Variants in TXNL4A observed in about 807,000 individuals in gnomAD.
TXNL4A encodes thioredoxin-like protein 4A.
In TXNL4A, 17 loss-of-function variants were observed where a neutral mutation model predicts 14.6. The ratio of observed to expected loss-of-function variants is 1.16; its 90% CI spans 0.80 to 1.74. TXNL4A has a LOEUF of 1.74. Among genes scored for constraint, TXNL4A ranks in the 40% most tolerant of loss-of-function variants. The probability of loss-of-function intolerance (pLI) is 0.00; values close to 1 mark genes in which losing one functional copy is unlikely to be tolerated. For missense variants in TXNL4A, 74 were observed against 195.2 expected (o/e 0.38, Z 3.70); for synonymous variants, 83 against 70.6 (o/e 1.18, Z -0.88).
chr18:80,006,850 C>T (rs1311840595), intron 1 of TXNL4A, among the ~76,000 whole-genome samples: 1 of 152,180 alleles, frequency 6.6e-6, no homozygotes, highest in Non-Finnish European at 1.5e-5. Context: ...CCAGGTGTGC[C>T]ATTTACATAG....
upstream of TXNL4A, among the ~76,000 whole-genome samples, chr18:79,989,852 C>T (rs986525142): frequency 3.9e-5 from 6 of 152,116 alleles, no homozygotes; most frequent in Non-Finnish European, 8.8e-5. Flanking sequence ...AAAAATTACC[C>T]GGGCATGGTG....
At chr18:80,022,951 C>T (rs1466582466) in intron 1 of TXNL4A, among the ~76,000 whole-genome samples, 1 of 152,138 alleles carries the variant, frequency 6.6e-6, no homozygotes, top group Admixed American at 6.5e-5. Flanking sequence ...CCTAAAGGCT[C>T]CCAAGGTACC....
chr18:79,982,249 G>A lies in TXNL4A; in HGVS notation c.154-4548C>T, dbSNP rs1336521027. Reference sequence around the variant, plus strand: ...GCAGGACAGTGGGGACCGATGCGCAGGTGGACTGGCCCACAGAGGACCTTT... The same window carrying A: ...GCAGGACAGTGGGGACCGATGCGCAAGTGGACTGGCCCACAGAGGACCTTT... On this transcript the variant is annotated intron_variant, in intron 1 of 2. Transcript: ENST00000269601. This position sits in a 1 kb window ranked among gnomAD's most constrained non-coding sequence, Gnocchi z 4.0. Among the ~76,000 whole-genome samples, 5 of 152,214 alleles carry A rather than the reference G, an allele frequency of 3.3e-5. No individual in the cohort carries two copies. The highest frequency in any genetic ancestry group is 1.2e-4 in the African/African-American group (5 of 41,464).
intron 1 of TXNL4A, chr18:79,986,559 G>A (rs925168469): frequency 1.6e-5 from 16 of 984,474 alleles, no homozygotes; most frequent in Non-Finnish European, 1.9e-5. Context: ...GGACATAAAG[G>A]AGTTGGAAAA....
upstream of TXNL4A, among the ~76,000 whole-genome samples, chr18:79,992,809 A>G (rs2145096166): frequency 8.6e-6 from 1 of 116,526 alleles, no homozygotes; most frequent in African/African-American, 3.2e-5. Flanking sequence ...CCCTTTTGTT[A>G]TGTTTTGTCT....
chr18:80,033,806 T>C (rs947884608), intron 1 of TXNL4A: 1 of 149,638 alleles, frequency 6.7e-6, no homozygotes, highest in African/African-American at 2.5e-5. Flanking sequence ...GCGTCGTCCT[T>C]CGCCCCGCCC....
At chr18:79,977,448 T>C in intron 2 of TXNL4A, 150 bp downstream of exon 2, 1 of 644,434 alleles carries the variant, frequency 1.6e-6, no homozygotes, top group Non-Finnish European at 2.8e-6. Context: ...TTTCAAAGAT[T>C]CACACTGATT....
At chr18:80,021,984 C>T (rs2051852559) in intron 1 of TXNL4A, among the ~76,000 whole-genome samples, 1 of 98,918 alleles carries the variant, frequency 1.0e-5, no homozygotes, top group African/African-American at 3.3e-5. Context: ...CCCATATGGG[C>T]TAGAATACCT....
In TXNL4A at chr18:79,994,517, G is replaced by A. The variant is rs1005431239; in HGVS notation, c.-60-16816C>T. 2.6e-4 allele frequency among the ~76,000 whole-genome samples: 36 copies of A among 140,020 alleles called. 1 individual carries two copies. The highest frequency in any genetic ancestry group is 1.7e-3 in the Admixed American group (24 of 13,936). 91.9% of individuals were successfully genotyped at this position (140,020 alleles called of 152,430 possible). A position where few individuals can be genotyped will look rare whatever the true frequency, so the allele number is the denominator to read the frequency against. ...ACTGCCAATCGAGAACTCTCTAATCGTTTTATCTCTCTTAAAGCAATCCTC... is the reference window on the plus strand; with the variant it reads ...ACTGCCAATCGAGAACTCTCTAATCATTTTATCTCTCTTAAAGCAATCCTC... On this transcript the variant is annotated intron_variant, in intron 1 of 2. Transcript: ENST00000585474.
chr18:80,022,110 C>A (rs543669434), intron 1 of TXNL4A, among the ~76,000 whole-genome samples: 3 of 152,046 alleles, frequency 2.0e-5, no homozygotes, highest in Non-Finnish European at 4.4e-5. Flanking sequence ...ATTAGAGAAC[C>A]TGCCCAGGTC....
At chr18:79,983,825 A>G (rs1439336779) in intron 1 of TXNL4A, among the ~76,000 whole-genome samples, 1 of 152,162 alleles carries the variant, frequency 6.6e-6, no homozygotes, top group Admixed American at 6.5e-5. Flanking sequence ...CCACAACCCT[A>G]TGAGTGAGGC....
At chr18:80,004,915 G>C (rs2051719902) in intron 1 of TXNL4A, among the ~76,000 whole-genome samples, 1 of 152,168 alleles carries the variant, frequency 6.6e-6, no homozygotes, top group Non-Finnish European at 1.5e-5. Context: ...CAGAAGCCAG[G>C]GAAATTCCCA....
At chr18:79,976,283 A>T (rs1283008547) in intron 2 of TXNL4A, among the ~76,000 whole-genome samples, 1 of 152,236 alleles carries the variant, frequency 6.6e-6, no homozygotes, top group African/African-American at 2.4e-5. Flanking sequence ...TTATTTGGGC[A>T]AGTCTAATCT....
At chr18:80,004,872 G>A (rs1177985167) in intron 1 of TXNL4A, among the ~76,000 whole-genome samples, 1 of 152,222 alleles carries the variant, frequency 6.6e-6, no homozygotes, top group Admixed American at 6.5e-5. Context: ...CAGTGAGGAG[G>A]AGAAAGCATC....
rs564199678 is a variant in TXNL4A, at chr18:79,982,577, G to C, written c.154-4876C>G. 8.5e-5 allele frequency among the ~76,000 whole-genome samples: 13 copies of C among 152,306 alleles called. No individual in the cohort carries two copies. The highest frequency in any genetic ancestry group is 1.3e-4 in the Non-Finnish European group (9 of 68,036). The stretch of plus-strand genomic sequence containing the variant: ...CCAAGGAGGCAGTCTCAGAAACCAA[G>C]GCAGGAGACTCCGGGGAGCTGTGCC... On this transcript the variant is annotated intron_variant, in intron 1 of 2. Coordinates refer to ENST00000269601, the MANE Select transcript of TXNL4A (RefSeq NM_006701.5). This position sits in a 1 kb window ranked among gnomAD's most constrained non-coding sequence, Gnocchi z 4.0.
At position 80,011,618 on chromosome 18, in the gene TXNL4A, C is replaced by T. The variant is rs1892858682; in HGVS notation, c.-61+22233G>A. Among the ~76,000 whole-genome samples, 1 of 152,164 alleles carries T rather than the reference C, an allele frequency of 6.6e-6. No individual in the cohort carries two copies. Among genetic ancestry groups the T allele is most frequent in the African/African-American group, 2.4e-5 (1 of 41,440 alleles). On this transcript the variant is annotated intron_variant, in intron 1 of 2. Transcript: ENST00000585474. This position sits in a 1 kb window ranked among gnomAD's most constrained non-coding sequence, Gnocchi z 4.1. The stretch of plus-strand genomic sequence containing the variant: ...TCTGAGGAGAAAAGTCTCCTTATTG[C>T]CTTCATGTCTTTATGCCCCGAGAGC...
chr18:79,990,838 C>T (rs1168539647), upstream of TXNL4A, among the ~76,000 whole-genome samples: 1 of 152,170 alleles, frequency 6.6e-6, no homozygotes, highest in Non-Finnish European at 1.5e-5. Flanking sequence ...GGCGCGGTGG[C>T]TCACGCCTGT....
intron 1 of TXNL4A, among the ~76,000 whole-genome samples, chr18:80,005,159 G>A (rs745976495): frequency 1.6e-4 from 24 of 152,220 alleles, no homozygotes; most frequent in African/African-American, 4.6e-4. Flanking sequence ...GATCTCCTGG[G>A]GGAACAGCAT....
intron 1 of TXNL4A, among the ~76,000 whole-genome samples, chr18:79,998,317 G>A (rs2051676321): frequency 1.3e-5 from 2 of 151,808 alleles, no homozygotes; most frequent in African/African-American, 4.8e-5. Flanking sequence ...GAAAGAAACT[G>A]GATACCAAAT....
Sources: allele counts gnomAD v4.1 joint callset (sites outside exome capture counted in the v4.1 genomes callset), GRCh38; gene constraint gnomAD v4.1.1; non-coding constraint Gnocchi (gnomAD v3.1); transcripts MANE v1.5; gene names NCBI Gene and HGNC (gene_info 2026-07-23, HGNC 2026-07-21).